The following ST18 variants were observed in gnomAD, a reference collection of about 807,000 sequenced individuals.
The protein encoded by ST18 is suppression of tumorigenicity 18 protein.
Under a neutral mutation model 110.0 loss-of-function variants are expected in ST18, and 50 were observed. That is an observed-to-expected ratio of 0.45 (90% CI 0.36 to 0.58). The LOEUF (loss-of-function observed/expected upper bound fraction) is 0.58, where lower values mean the gene tolerates loss of function less well. Ranked by LOEUF, ST18 falls within the 20% of genes least tolerant of loss-of-function variation. The probability of loss-of-function intolerance (pLI) is 0.00; values close to 1 mark genes in which losing one functional copy is unlikely to be tolerated. For synonymous variants in ST18, 461 were observed against 452.4 expected, an observed-to-expected ratio of 1.02 and a Z score of -0.24; for missense variants, 1,306 against 1,280.1, an observed-to-expected ratio of 1.02 and a Z score of -0.31.
rs77270091 is a variant in ST18, at chr8:52,287,135, C to T, written c.-464-57058G>A. Among the ~76,000 whole-genome samples, 65 of 152,186 alleles carry T rather than the reference C, an allele frequency of 4.3e-4. No individual in the cohort carries two copies. The East Asian group carries it at 0.012, about 29-fold the overall frequency. On this transcript the variant is annotated intron_variant, in intron 2 of 25. Transcript: ENST00000689386. ...CCAAAAAATCTAGAATTTCAGTAAGCCTTTTAAACATTAACAGCAGGATGG... is the reference window on the plus strand; with the variant it reads ...CCAAAAAATCTAGAATTTCAGTAAGTCTTTTAAACATTAACAGCAGGATGG...
intron 7 of ST18, 119 bp downstream of exon 7, chr8:52,214,082 GAA>G: frequency 4.6e-6 from 5 of 1,087,208 alleles, no homozygotes; most frequent in Non-Finnish European, 6.8e-6. Context: ...GGCTTGATTT[GAA>G]AAAAGAAGCC....
At chr8:52,265,041 G>A (rs777336683) in intron 2 of ST18, among the ~76,000 whole-genome samples, 5 of 152,202 alleles carry the variant, frequency 3.3e-5, no homozygotes, top group African/African-American at 7.2e-5. Flanking sequence ...ATGGCTGTGC[G>A]TGAAATAAAG....
chr8:52,286,547 G>A (rs750499114), intron 2 of ST18, among the ~76,000 whole-genome samples: 2 of 151,962 alleles, frequency 1.3e-5, no homozygotes, highest in Non-Finnish European at 2.9e-5. Context: ...TTTATTGCAA[G>A]TTCTTTTAAC....
chr8:52,254,213 G>C (rs1178077546), intron 2 of ST18: 1 of 152,162 alleles, frequency 6.6e-6, no homozygotes, highest in Admixed American at 6.5e-5. Flanking sequence ...TTAAATGTCA[G>C]TGTGAGCAGC....
intron 2 of ST18, among the ~76,000 whole-genome samples, chr8:52,276,854 C>T (rs1022827680): frequency 2.0e-5 from 3 of 151,312 alleles, no homozygotes; most frequent in Non-Finnish European, 4.4e-5. Context: ...GCAACCTCTG[C>T]CTCCCGGGTT....
chr8:52,263,722 G>C (rs2094774007), intron 2 of ST18, among the ~76,000 whole-genome samples: 1 of 144,040 alleles, frequency 6.9e-6, no homozygotes, highest in Admixed American at 6.8e-5. Flanking sequence ...TGGGATTACA[G>C]GTGTGAGTCA....
chr8:52,197,912 CA>C (rs1330702878), intron 8 of ST18, among the ~76,000 whole-genome samples: 6 of 151,402 alleles, frequency 4.0e-5, no homozygotes, highest in South Asian at 2.1e-4. Flanking sequence ...CACACACACA[CA>C]AATACAGAAC....
At chr8:52,289,466 A>G (rs1470250777) in intron 2 of ST18, among the ~76,000 whole-genome samples, 1 of 152,126 alleles carries the variant, frequency 6.6e-6, no homozygotes, top group Non-Finnish European at 1.5e-5. Context: ...ACAAAAAACA[A>G]AAAACAACAA....
intron 5 of ST18, among the ~76,000 whole-genome samples, chr8:52,218,307 T>C (rs1472759500): frequency 1.3e-5 from 2 of 151,908 alleles, no homozygotes; most frequent in East Asian, 3.8e-4. Flanking sequence ...TTGAGGGCGC[T>C]TTCTGAAAAC....
chr8:52,386,283 A>G (rs1836735067), intron 2 of ST18, among the ~76,000 whole-genome samples: 1 of 152,216 alleles, frequency 6.6e-6, no homozygotes. Context: ...GAAATGCACT[A>G]GTATGTATAA....
chr8:52,208,719 G>T (rs541089412), intron 8 of ST18, among the ~76,000 whole-genome samples: 12 of 152,326 alleles, frequency 7.9e-5, no homozygotes, highest in Non-Finnish European at 4.4e-5. Flanking sequence ...TAGGGAGGCT[G>T]AGGCAGGAGA....
intron 8 of ST18, among the ~76,000 whole-genome samples, chr8:52,209,454 T>C (rs1375027755): frequency 1.3e-5 from 2 of 152,172 alleles, no homozygotes; most frequent in Non-Finnish European, 2.9e-5. Context: ...CTCAAGAGTG[T>C]CTGGCACATA....
intron 2 of ST18, among the ~76,000 whole-genome samples, chr8:52,334,707 GAA>G (rs60834322): frequency 1.3e-5 from 2 of 149,762 alleles, no homozygotes; most frequent in Non-Finnish European, 3.0e-5. Flanking sequence ...AGGGAACTGT[GAA>G]AAAAAAAATG....
chr8:52,344,841 T>A (rs2140247489), intron 2 of ST18, among the ~76,000 whole-genome samples: 1 of 152,354 alleles, frequency 6.6e-6, no homozygotes, highest in East Asian at 1.9e-4. Flanking sequence ...AGCTGATAAC[T>A]TTGCAAGTTT....
intron 2 of ST18, among the ~76,000 whole-genome samples, chr8:52,356,243 C>T (rs1388596324): frequency 6.6e-6 from 1 of 152,078 alleles, no homozygotes; most frequent in Non-Finnish European, 1.5e-5. Context: ...AAAGGAGTGT[C>T]CCAATACCGG....
At chr8:52,238,366 T>C (rs952483555) in intron 2 of ST18, among the ~76,000 whole-genome samples, 6 of 152,194 alleles carry the variant, frequency 3.9e-5, no homozygotes, top group African/African-American at 1.4e-4. Flanking sequence ...ATCTGTGGAA[T>C]ATTATTCAGC....
intron 2 of ST18, among the ~76,000 whole-genome samples, chr8:52,398,686 G>T (rs1841963633): frequency 6.6e-6 from 1 of 152,094 alleles, no homozygotes; most frequent in African/African-American, 2.4e-5. Flanking sequence ...ACAGAATTGA[G>T]ATGTTAATTG....
chr8:52,168,516 G>C (rs569024034), intron 10 of ST18, among the ~76,000 whole-genome samples: 2 of 152,028 alleles, frequency 1.3e-5, no homozygotes, highest in Non-Finnish European at 2.9e-5. Flanking sequence ...TGTATGTAAT[G>C]CAATTATATG....
chr8:52,181,387 G>A (rs1324572921), intron 8 of ST18, among the ~76,000 whole-genome samples: 2 of 152,022 alleles, frequency 1.3e-5, no homozygotes, highest in East Asian at 1.9e-4. Context: ...AAAATGATTC[G>A]GTTATAGTCA....
Sources: gnomAD v4.1 joint callset for allele counts (sites outside exome capture counted in the v4.1 genomes callset) on GRCh38, gnomAD v4.1.1 for gene constraint, MANE v1.5 for transcripts, NCBI Gene and HGNC (gene_info 2026-07-23, HGNC 2026-07-21) for gene names.